The following MAGEF1 variants were observed in gnomAD, a reference collection of about 807,000 sequenced individuals.
MAGEF1 encodes the protein MAGE family member F1, also known as melanoma-associated antigen F1.
For synonymous variants in MAGEF1, 150 were observed against 163.6 expected (o/e 0.92, Z 0.63); for missense variants, 418 against 399.5 (o/e 1.05, Z -0.39).
chr3:184,711,034 T>C lies in MAGEF1; in HGVS notation c.788A>G (p.Lys263Arg). The C allele has an allele frequency of 6.2e-7, 1 of 1,614,216 alleles. No individual in the cohort carries two copies. The highest frequency in any genetic ancestry group is 8.5e-7 in the Non-Finnish European group (1 of 1,180,030). ...EVLGFVAKLH[K>R]KEPQHWPVQY... ...CACTGGCCAGTGCTGCGGTTCCTTC[T>C]TATGCAGTTTGGCCACGAACCCCAG... Residue 263 changes from lysine (K) to arginine (R), a missense_variant, in exon 1 of 1, where the codon AAG (lysine) becomes AGG (arginine). Lys to Arg is a conservative substitution (Grantham distance 26). Coordinates refer to ENST00000317897, the MANE Select transcript of MAGEF1 (RefSeq NM_022149.5).
In MAGEF1 at chr3:184,711,362, C is replaced by CCTT. The variant is rs2108474266; in HGVS notation, c.459_460insAAG (p.Glu153_Glu154insLys). ...CCTCCCAGATCCTCCTCCTCCTCCTCCTCCAGAGGTTTTAGTTTGTTGATC... is the reference window on the plus strand; with the variant it reads ...CCTCCCAGATCCTCCTCCTCCTCCTCCTTCTCCAGAGGTTTTAGTTTGTTGATC... On this transcript the variant is annotated inframe_insertion, in exon 1 of 1. Transcript: ENST00000317897. 2 of 1,613,716 alleles carry CCTT rather than the reference C, an allele frequency of 1.2e-6. No homozygotes were observed. The highest frequency in any genetic ancestry group is 1.7e-6 in the Non-Finnish European group (2 of 1,179,908).
Position 184,711,884 on chromosome 3 carries a change from A to C in MAGEF1, c.-63T>G. Reference sequence around the variant, plus strand: ...CGAGGGGTGTGGGAGCCGCCGCGCAAGCCCCGGGGGAGGGGTTGGACAGCG... The same window carrying C: ...CGAGGGGTGTGGGAGCCGCCGCGCACGCCCCGGGGGAGGGGTTGGACAGCG... On this transcript the variant is annotated 5_prime_UTR_variant, in exon 1 of 1. Transcript: ENST00000317897. The C allele has an allele frequency of 7.0e-7, 1 of 1,434,120 alleles. No homozygotes were observed. The highest frequency in any genetic ancestry group is 1.4e-5 in the African/African-American group (1 of 69,260). The allele number at this position is 1,434,120 out of a possible 1,614,324, so 88.8% of individuals were successfully genotyped here.
At position 184,711,964 on chromosome 3, in the gene MAGEF1, G is replaced by C; in HGVS notation, c.-143C>G. The C allele has an allele frequency of 7.7e-7, 1 of 1,298,992 alleles. No homozygotes were observed. Among genetic ancestry groups the C allele is most frequent in the Non-Finnish European group, 9.9e-7 (1 of 1,009,408 alleles). The allele number at this position is 1,298,992 out of a possible 1,614,324, so 80.5% of individuals were successfully genotyped here. On this transcript the variant is annotated 5_prime_UTR_variant, in exon 1 of 1. Coordinates refer to ENST00000317897, the MANE Select transcript of MAGEF1 (RefSeq NM_022149.5). ...GGCAGCGGGAGCTTTGTGGCTGCTG[G>C]GCCGCACCGCACGGGAGTCAAACCT...
Position 184,710,692 on chromosome 3 carries a change from C to T in MAGEF1, c.*206G>A, listed in dbSNP as rs1371584724. On this transcript the variant is annotated 3_prime_UTR_variant, in exon 1 of 1. Transcript: ENST00000317897. ...AACCAGCAAAACTCTACAATAAAAT[C>T]CTACAGGAAAAAGTAGACCAATCTC... 1.3e-6 allele frequency: 1 copy of T among 771,050 alleles called. No homozygotes were observed. The highest frequency in any genetic ancestry group is 1.8e-5 in the African/African-American group (1 of 55,722). 47.8% of individuals were successfully genotyped at this position (771,050 alleles called of 1,614,324 possible).
In MAGEF1 at chr3:184,711,976, C is replaced by T; in HGVS notation, c.-155G>A. The T allele has an allele frequency of 8.0e-7, 1 of 1,246,684 alleles. No individual in the cohort carries two copies. Among genetic ancestry groups the T allele is most frequent in the Non-Finnish European group, 1.0e-6 (1 of 973,286 alleles). 77.2% of individuals were successfully genotyped at this position (1,246,684 alleles called of 1,614,324 possible). On this transcript the variant is annotated 5_prime_UTR_variant, in exon 1 of 1. In the 5' UTR this introduces an upstream ATG that the reference lacks. Coordinates refer to ENST00000317897, the MANE Select transcript of MAGEF1 (RefSeq NM_022149.5). Reference sequence around the variant, plus strand: ...TTTGTGGCTGCTGGGCCGCACCGCACGGGAGTCAAACCTGCGGCCGCAACG... The same window carrying T: ...TTTGTGGCTGCTGGGCCGCACCGCATGGGAGTCAAACCTGCGGCCGCAACG...
chr3:184,711,056 C>T lies in MAGEF1; in HGVS notation c.766G>A (p.Gly256Arg), dbSNP rs1425908752. The change falls in exon 1 of 1, where the codon GGG (glycine) becomes AGG (arginine). Residue 256 changes from glycine (G) to arginine (R), a missense_variant. Physicochemically the swap from Gly to Arg is moderately radical, Grantham distance 125. Coordinates refer to ENST00000317897, the MANE Select transcript of MAGEF1 (RefSeq NM_022149.5). ...NLEISKMEVL[G>R]FVAKLHKKEP... ...TTCTTATGCAGTTTGGCCACGAACC[C>T]CAGGACTTCCATCTTGCTGATTTCC... 5.0e-6 allele frequency: 8 copies of T among 1,614,116 alleles called. No individual in the cohort carries two copies. Among genetic ancestry groups the T allele is most frequent in the Non-Finnish European group, 6.8e-6 (8 of 1,180,052 alleles).
Position 184,710,798 on chromosome 3 carries a change from A to T in MAGEF1, c.*100T>A. The T allele has an allele frequency of 1.4e-6, 2 of 1,397,360 alleles. No homozygotes were observed. The highest frequency in any genetic ancestry group is 9.4e-7 in the Non-Finnish European group (1 of 1,069,336). The allele number at this position is 1,397,360 out of a possible 1,614,324, so 86.6% of individuals were successfully genotyped here. A position where few individuals can be genotyped will look rare whatever the true frequency, so the allele number is the denominator to read the frequency against. ...AAATCTAAATCCTTAAAGTCACACG[A>T]TTTCTACAGAAATAAGACCCTCGCC... is the stretch of plus-strand genomic sequence containing the variant. On this transcript the variant is annotated 3_prime_UTR_variant, in exon 1 of 1. Transcript: ENST00000317897.
Position 184,711,443 on chromosome 3 carries a change from A to G in MAGEF1, c.379T>C (p.Tyr127His), listed in dbSNP as rs1577591831. The G allele has an allele frequency of 5.6e-6, 9 of 1,614,132 alleles. No individual in the cohort carries two copies. The highest frequency in any genetic ancestry group is 7.6e-6 in the Non-Finnish European group (9 of 1,180,024). ...IIARAAEHLR[Y>H]VFGFELKQFD... Reference sequence around the variant, plus strand: ...TGTTTCAGCTCAAAACCAAAGACATACCGCAGATGCTCTGCGGCCCTTGCG... The same window carrying G: ...TGTTTCAGCTCAAAACCAAAGACATGCCGCAGATGCTCTGCGGCCCTTGCG... Residue 127 changes from tyrosine (Y) to histidine (H), a missense_variant, in exon 1 of 1, where the codon TAT becomes CAT. Transcript: ENST00000317897.
At chr3:184,711,065 C>A in the MAGEF1 span, 2 of 1,614,264 alleles carry the variant, frequency 1.2e-6, no homozygotes, top group Non-Finnish European at 1.7e-6. Context: ...CCCAGGACTT[C>A]CATCTTGCTG....
rs1056891967 is a variant in MAGEF1 at position 184,712,013 on chromosome 3, C to A, written c.-192G>T. On this transcript the variant is annotated 5_prime_UTR_variant, in exon 1 of 1. Transcript: ENST00000317897. ...CTGCGGCCGCAACGCCGCCAGCAGCCGGAACCTGCGGCGCGCAGCCTCAGT... is the reference window on the plus strand; with the variant it reads ...CTGCGGCCGCAACGCCGCCAGCAGCAGGAACCTGCGGCGCGCAGCCTCAGT... The A allele has an allele frequency of 1.9e-6, 2 of 1,045,754 alleles. No homozygotes were observed. The allele number at this position is 1,045,754 out of a possible 1,614,324, so 64.8% of individuals were successfully genotyped here.
In MAGEF1 at chr3:184,711,445, C is replaced by A. The variant is rs766942431; in HGVS notation, c.377G>T (p.Arg126Leu). The change falls in exon 1 of 1, where the codon CGG (arginine) becomes CTG (leucine). Residue 126 changes from arginine to leucine, a missense_variant. Coordinates refer to ENST00000317897, the MANE Select transcript of MAGEF1 (RefSeq NM_022149.5). ...DIIARAAEHL[R>L]YVFGFELKQF... ...TTTCAGCTCAAAACCAAAGACATAC[C>A]GCAGATGCTCTGCGGCCCTTGCGAT... is the stretch of plus-strand genomic sequence containing the variant. 6.2e-7 allele frequency: 1 copy of A among 1,614,176 alleles called. No individual in the cohort carries two copies. The highest frequency in any genetic ancestry group is 2.2e-5 in the East Asian group (1 of 44,866).
chr3:184,711,097 C>G lies in MAGEF1; in HGVS notation c.725G>C (p.Gly242Ala). Residue 242 changes from glycine (G) to alanine (A), a missense_variant, in exon 1 of 1, where the codon GGT (glycine) becomes GCT (alanine). Coordinates refer to ENST00000317897, the MANE Select transcript of MAGEF1 (RefSeq NM_022149.5). ...TNPPEYEFSWGPRSNLEISKM... is the reference protein window; with the variant it reads ...TNPPEYEFSWAPRSNLEISKM... The stretch of plus-strand genomic sequence containing the variant: ...GCTGATTTCCAGGTTGCTTCGGGGA[C>G]CCCAAGAGAATTCATATTCTGGTGG... 2 of 1,614,210 alleles carry G rather than the reference C, an allele frequency of 1.2e-6. No individual in the cohort carries two copies. Among genetic ancestry groups the G allele is most frequent in the South Asian group, 1.1e-5 (1 of 91,082 alleles).
At position 184,712,053 on chromosome 3, in the gene MAGEF1, G is replaced by A. The variant is rs892656895; in HGVS notation, c.-232C>T. On this transcript the variant is annotated 5_prime_UTR_variant, in exon 1 of 1. Coordinates refer to ENST00000317897, the MANE Select transcript of MAGEF1 (RefSeq NM_022149.5). ...GCAGCCTCAGTCCGCGCCCGCGCGAGGGGCCACTTCCGGCCACCTCAGCCA... is the reference window on the plus strand; with the variant it reads ...GCAGCCTCAGTCCGCGCCCGCGCGAAGGGCCACTTCCGGCCACCTCAGCCA... 5 of 678,668 alleles carry A rather than the reference G, an allele frequency of 7.4e-6. No individual in the cohort carries two copies. The highest frequency in any genetic ancestry group is 5.7e-5 in the African/African-American group (3 of 53,004). 42.0% of individuals were successfully genotyped at this position (678,668 alleles called of 1,614,324 possible).
At position 184,711,989 on chromosome 3, in the gene MAGEF1, T is replaced by A; in HGVS notation, c.-168A>T. On this transcript the variant is annotated 5_prime_UTR_variant, in exon 1 of 1. Coordinates refer to ENST00000317897, the MANE Select transcript of MAGEF1 (RefSeq NM_022149.5). ...GGCCGCACCGCACGGGAGTCAAACCTGCGGCCGCAACGCCGCCAGCAGCCG... is the reference window on the plus strand; with the variant it reads ...GGCCGCACCGCACGGGAGTCAAACCAGCGGCCGCAACGCCGCCAGCAGCCG... The A allele has an allele frequency of 8.4e-7, 1 of 1,183,730 alleles. No individual in the cohort carries two copies. Among genetic ancestry groups the A allele is most frequent in the Non-Finnish European group, 1.1e-6 (1 of 921,910 alleles). The allele number at this position is 1,183,730 out of a possible 1,614,324, so 73.3% of individuals were successfully genotyped here.
Position 184,710,699 on chromosome 3 carries a change from G to A in MAGEF1, c.*199C>T. 2.4e-6 allele frequency: 2 copies of A among 840,986 alleles called. No individual in the cohort carries two copies. Among genetic ancestry groups the A allele is most frequent in the Non-Finnish European group, 3.3e-6 (2 of 605,918 alleles). 52.1% of individuals were successfully genotyped at this position (840,986 alleles called of 1,614,324 possible). ...AAAACTCTACAATAAAATCCTACAG[G>A]AAAAAGTAGACCAATCTCATTTACA... On this transcript the variant is annotated 3_prime_UTR_variant, in exon 1 of 1. Coordinates refer to ENST00000317897, the MANE Select transcript of MAGEF1 (RefSeq NM_022149.5).
chr3:184,712,038 T>C lies in MAGEF1; in HGVS notation c.-217A>G. On this transcript the variant is annotated 5_prime_UTR_variant, in exon 1 of 1. Coordinates refer to ENST00000317897, the MANE Select transcript of MAGEF1 (RefSeq NM_022149.5). Reference sequence around the variant, plus strand: ...CGGAACCTGCGGCGCGCAGCCTCAGTCCGCGCCCGCGCGAGGGGCCACTTC... The same window carrying C: ...CGGAACCTGCGGCGCGCAGCCTCAGCCCGCGCCCGCGCGAGGGGCCACTTC... 2.4e-6 allele frequency: 2 copies of C among 851,042 alleles called. No homozygotes were observed. The highest frequency in any genetic ancestry group is 1.6e-6 in the Non-Finnish European group (1 of 620,280). The allele number at this position is 851,042 out of a possible 1,614,324, so 52.7% of individuals were successfully genotyped here.
At position 184,711,582 on chromosome 3, in the gene MAGEF1, C is replaced by T; in HGVS notation, c.240G>A (p.Val80=). The T allele has an allele frequency of 1.9e-6, 3 of 1,613,908 alleles. No individual in the cohort carries two copies. Among genetic ancestry groups the T allele is most frequent in the Non-Finnish European group, 2.5e-6 (3 of 1,180,040 alleles). ...RRAYRRLNRT[V]AELVQFLLVK... ...CCAGGAGGAACTGCACCAACTCCGC[C>T]ACCGTCCGATTCAGCCGGCGGTAGG... The change falls in exon 1 of 1, where the codon GTG becomes GTA. Residue 80 remains valine (V), a synonymous_variant. Transcript: ENST00000317897.
rs566045160 is a variant in MAGEF1, at chr3:184,711,186, C to A, written c.636G>T (p.Arg212Ser). The change falls in exon 1 of 1, where the codon AGG becomes AGT. Residue 212 changes from arginine to serine, a missense_variant. Physicochemically the swap from Arg to Ser is moderately radical, Grantham distance 110. Coordinates refer to ENST00000317897, the MANE Select transcript of MAGEF1 (RefSeq NM_022149.5). ...GCTGCACAAAATCTTCCATAATAAG[C>A]CTCTTCGGATACCCAAAGAGGAAAT... ...KYHFLFGYPK[R>S]LIMEDFVQQR... is the part of the protein sequence containing the mutation. 1 of 1,614,210 alleles carries A rather than the reference C, an allele frequency of 6.2e-7. No individual in the cohort carries two copies. Among genetic ancestry groups the A allele is most frequent in the South Asian group, 1.1e-5 (1 of 91,084 alleles).
rs994093983 is a variant in MAGEF1, at chr3:184,710,930, C to T, written c.892G>A (p.Ala298Thr). The T allele has an allele frequency of 1.2e-6, 2 of 1,608,584 alleles. No individual in the cohort carries two copies. The highest frequency in any genetic ancestry group is 1.7e-6 in the Non-Finnish European group (2 of 1,176,802). Reference sequence around the variant, plus strand: ...AGGTGGATGCCGGCCCTAGCACTGGCCCTGGCCCTCATACTGGCTTCAGCT... The same window carrying T: ...AGGTGGATGCCGGCCCTAGCACTGGTCCTGGCCCTCATACTGGCTTCAGCT... ...ARAEASMRAR[A>T]SARAGIHLW Residue 298 changes from alanine (A) to threonine (T), a missense_variant, in exon 1 of 1, where the codon GCC becomes ACC. Ala to Thr is a moderately conservative substitution (Grantham distance 58, BLOSUM62 0). Coordinates refer to ENST00000317897, the MANE Select transcript of MAGEF1 (RefSeq NM_022149.5).
Sources: gnomAD v4.1 joint callset for allele counts on GRCh38, gnomAD v4.1.1 for gene constraint, MANE v1.5 for transcripts, NCBI Gene and HGNC (gene_info 2026-07-23, HGNC 2026-07-21) for gene names.